The following TIPRL variants were observed in gnomAD, a reference collection of about 807,000 sequenced individuals.
The protein encoded by TIPRL is TIP41-like protein.
In TIPRL, 10 loss-of-function variants were observed where a neutral mutation model predicts 32.3. The observed-to-expected ratio is 0.31, with a 90% confidence interval of 0.19 to 0.52. The LOEUF (loss-of-function observed/expected upper bound fraction) is 0.52, where lower values mean the gene tolerates loss of function less well. Ranked by LOEUF, TIPRL falls within the 20% of genes least tolerant of loss-of-function variation. The pLI is 0.96. For missense variants in TIPRL, 250 were observed against 328.1 expected (o/e 0.76, Z 1.84); for synonymous variants, 100 against 114.0 (o/e 0.88, Z 0.78).
chr1:168,196,541 T>TTC lies in TIPRL; in HGVS notation c.517-5_517-4dup, dbSNP rs1491151596. ...AATATTAATGTACCTTTTTTTTTTT[T>TTC]TCCAGAGAGTAATGCCTTCTAGCTT... On this transcript the variant is annotated splice_region_variant and splice_polypyrimidine_tract_variant and intron_variant, in intron 4 of 6. Coordinates refer to ENST00000367833, the MANE Select transcript of TIPRL (RefSeq NM_152902.5). The TTC allele has an allele frequency of 7.2e-6, 11 of 1,524,378 alleles. No individual in the cohort carries two copies. The highest frequency in any genetic ancestry group is 9.7e-6 in the Non-Finnish European group (11 of 1,138,610). 94.4% of individuals were successfully genotyped at this position (1,524,378 alleles called of 1,614,324 possible).
intron 5 of TIPRL, among the ~76,000 whole-genome samples, chr1:168,197,979 T>C (rs1247907783): frequency 1.3e-5 from 2 of 152,194 alleles, no homozygotes; most frequent in Non-Finnish European, 2.9e-5. Flanking sequence ...TTGTTTATAA[T>C]AGCAGAAAGG....
intron 5 of TIPRL, among the ~76,000 whole-genome samples, chr1:168,198,541 A>C (rs983282773): frequency 6.6e-6 from 1 of 152,192 alleles, no homozygotes; most frequent in Admixed American, 6.5e-5. Flanking sequence ...GTAAATGATA[A>C]GATAGCTTAA....
intron 3 of TIPRL, among the ~76,000 whole-genome samples, chr1:168,185,348 A>G (rs2102306961): frequency 1.3e-5 from 2 of 152,334 alleles, no homozygotes; most frequent in South Asian, 4.1e-4. Flanking sequence ...TCTCAGTTTT[A>G]TCAATAAATT....
intron 4 of TIPRL, chr1:168,192,479 A>T: frequency 1.1e-6 from 1 of 920,788 alleles, no homozygotes; most frequent in Non-Finnish European, 1.3e-6. Context: ...CTCAACTGAA[A>T]CTTTTTACTA....
At chr1:168,192,849 G>A (rs1434152818) in intron 4 of TIPRL, among the ~76,000 whole-genome samples, 1 of 134,990 alleles carries the variant, frequency 7.4e-6, no homozygotes, top group East Asian at 2.1e-4. Flanking sequence ...TCGTGCCACT[G>A]CACTCCAGCC....
chr1:168,198,498 G>A (rs1700180454), intron 5 of TIPRL, among the ~76,000 whole-genome samples: 1 of 152,070 alleles, frequency 6.6e-6, no homozygotes, highest in Admixed American at 6.6e-5. Context: ...TTTAAAGCAT[G>A]TTTTGCAACA....
In TIPRL at chr1:168,179,083, G is replaced by A. The variant is rs1265988654; in HGVS notation, c.6G>A (p.Met2Ile). ...CTGCGGGTCCTGCCTCAGCCATGAT[G>A]ATCCACGGCTTCCAGAGCAGCCACC... MMIHGFQSSHRD... is the reference protein window; with the variant it reads MIIHGFQSSHRD... Residue 2 changes from methionine to isoleucine, a missense_variant, in exon 1 of 7, where the codon ATG (methionine) becomes ATA (isoleucine). Transcript: ENST00000367833. 2.5e-6 allele frequency: 4 copies of A among 1,613,474 alleles called. No individual in the cohort carries two copies. Among genetic ancestry groups the A allele is most frequent in the Non-Finnish European group, 3.4e-6 (4 of 1,179,706 alleles).
chr1:168,192,282 C>T (rs1350556291), intron 4 of TIPRL: 6 of 1,229,006 alleles, frequency 4.9e-6, no homozygotes, highest in Non-Finnish European at 2.2e-6. Context: ...GGAGGCGGAG[C>T]TTGCAGTGAG....
intron 5 of TIPRL, among the ~76,000 whole-genome samples, chr1:168,197,693 G>T (rs1481457903): frequency 6.6e-6 from 1 of 151,866 alleles, no homozygotes; most frequent in Admixed American, 6.6e-5. Context: ...CAATTTTGTT[G>T]TTGTTGTTTT....
At chr1:168,179,763 G>A (rs1268433224) in intron 1 of TIPRL, among the ~76,000 whole-genome samples, 4 of 152,072 alleles carry the variant, frequency 2.6e-5, no homozygotes, top group African/African-American at 9.7e-5. Flanking sequence ...AAACCGTTGC[G>A]GGGGGCGGTG....
In TIPRL at chr1:168,191,428, G is replaced by T. The variant is rs759992722; in HGVS notation, c.444G>T (p.Lys148Asn). The T allele has an allele frequency of 6.5e-7, 1 of 1,532,134 alleles. No individual in the cohort carries two copies. Among genetic ancestry groups the T allele is most frequent in the African/African-American group, 1.4e-5 (1 of 69,676 alleles). 94.9% of individuals were successfully genotyped at this position (1,532,134 alleles called of 1,614,324 possible). Reference protein sequence around the residue: ...TEKLKAREQIKFFEEVLLFED... With the variant: ...TEKLKAREQINFFEEVLLFED... ...AATTGAAAGCCAGAGAACAGATTAA[G>T]TTTTTTGAAGAAGTTCTCCTTTTTG... The change falls in exon 4 of 7, where the codon AAG (lysine) becomes AAT (asparagine). Residue 148 changes from lysine (K) to asparagine (N), a missense_variant. Transcript: ENST00000367833.
intron 3 of TIPRL, among the ~76,000 whole-genome samples, chr1:168,185,947 T>C (rs1271549482): frequency 1.4e-5 from 2 of 143,820 alleles, no homozygotes; most frequent in African/African-American, 5.2e-5. Context: ...TGGTGGAGCA[T>C]GCCTGTAGTC....
At chr1:168,199,616 A>C (rs1031015230) in intron 6 of TIPRL, among the ~76,000 whole-genome samples, 1 of 152,188 alleles carries the variant, frequency 6.6e-6, no homozygotes, top group Non-Finnish European at 1.5e-5. Flanking sequence ...AGTGTTTTCA[A>C]GTTACAAAAG....
rs542882842 is a variant in TIPRL, at chr1:168,196,630, A to T, written c.600A>T (p.Arg200Ser). Residue 200 changes from arginine (R) to serine (S), a missense_variant, in exon 5 of 7, where the codon AGA becomes AGT. By Grantham distance (110) the Arg-to-Ser change is moderately radical (BLOSUM62 -1). Transcript: ENST00000367833. ...DGVLIRMNDT[R>S]LYHEADKTYM... ...TGCTTATCAGAATGAATGACACGAG[A>T]CTTTACCATGAGGTATTTATTGTTG... 1.3e-6 allele frequency: 2 copies of T among 1,597,442 alleles called. No individual in the cohort carries two copies. The highest frequency in any genetic ancestry group is 1.7e-6 in the Non-Finnish European group (2 of 1,172,162).
At chr1:168,193,427 T>C (rs779825101) in intron 4 of TIPRL, among the ~76,000 whole-genome samples, 39 of 152,242 alleles carry the variant, frequency 2.6e-4, no homozygotes, top group Non-Finnish European at 4.6e-4. Context: ...GCTTTACTTC[T>C]TTGCTCACTT....
intron 1 of TIPRL, among the ~76,000 whole-genome samples, chr1:168,180,820 CTT>C (rs71118909): frequency 4.8e-5 from 6 of 124,168 alleles, no homozygotes; most frequent in Non-Finnish European, 6.6e-5. Context: ...TTTTTTATAA[CTT>C]TTTTTTTTTT....
At position 168,197,518 on chromosome 1, in the gene TIPRL, T is replaced by TTTTA. The variant is rs140469784; in HGVS notation, c.612+888_612+891dup. 7.0e-3 allele frequency among the ~76,000 whole-genome samples: 1,059 copies of TTTTA among 152,224 alleles called. 13 individuals are homozygous for TTTTA. Among genetic ancestry groups the TTTTA allele is most frequent in the African/African-American group, 0.024 (1,003 of 41,500 alleles). Reference sequence around the variant, plus strand: ...CCAGAAAGAGAAATCTAAATTTTATTTTTATTTATTTATTTGAGATGGATG... The same window carrying TTTTA: ...CCAGAAAGAGAAATCTAAATTTTATTTTTATTTATTTATTTATTTGAGATGGATG... On this transcript the variant is annotated intron_variant, in intron 5 of 6. Transcript: ENST00000367833.
In TIPRL at chr1:168,184,095, C is replaced by A; in HGVS notation, c.284+14C>A. On this transcript the variant is annotated intron_variant, in intron 2 of 6. Coordinates refer to ENST00000367833, the MANE Select transcript of TIPRL (RefSeq NM_152902.5). ...GCAAGAAAGCAGGTGAGAATCCGGT[C>A]AATTAGGTTAAACAAAAAAGGTAAT... 2 of 1,587,540 alleles carry A rather than the reference C, an allele frequency of 1.3e-6. No homozygotes were observed. The highest frequency in any genetic ancestry group is 1.1e-5 in the South Asian group (1 of 87,836).
chr1:168,181,138 A>G (rs1699957356), intron 1 of TIPRL, among the ~76,000 whole-genome samples: 1 of 150,960 alleles, frequency 6.6e-6, no homozygotes, highest in Non-Finnish European at 1.5e-5. Flanking sequence ...GCGTGCCACC[A>G]CGCCTGGCTA....
Sources: allele counts gnomAD v4.1 joint callset (sites outside exome capture counted in the v4.1 genomes callset), GRCh38; gene constraint gnomAD v4.1.1; transcripts MANE v1.5; gene names NCBI Gene and HGNC (gene_info 2026-07-23, HGNC 2026-07-21).